DCDC2: variants seen among roughly 807,000 people sequenced by gnomAD.
The protein encoded by DCDC2 is doublecortin domain containing 2, also known as doublecortin domain-containing protein 2.
In DCDC2, 40 loss-of-function variants were observed where a neutral mutation model predicts 50.2. That is an observed-to-expected ratio of 0.80 (90% CI 0.62 to 1.04). The LOEUF (loss-of-function observed/expected upper bound fraction) is 1.04. DCDC2 is among the 50% of genes least tolerant of loss of function. The pLI, the probability that DCDC2 is intolerant of heterozygous loss-of-function variation, is 0.00. For missense variants in DCDC2, 570 were observed against 581.9 expected (o/e 0.98, Z 0.21); for synonymous variants, 234 against 210.6 (o/e 1.11, Z -0.96).
the DCDC2 span, among the ~76,000 whole-genome samples, chr6:24,365,349 C>T: frequency 6.6e-6 from 1 of 152,212 alleles, no homozygotes; most frequent in Admixed American, 6.5e-5. Flanking sequence ...TGGAGTGCAA[C>T]GGCATGATCT....
At chr6:24,302,149 G>A (rs950943852) in intron 2 of DCDC2, 105 bp from the exon 3 acceptor site, 16 of 962,348 alleles carry the variant, frequency 1.7e-5, no homozygotes, top group African/African-American at 3.3e-5. Flanking sequence ...GAGACTTCCT[G>A]TGCCTTTGTT....
intron 7 of DCDC2, among the ~76,000 whole-genome samples, chr6:24,217,949 TA>T (rs1332901760): frequency 6.6e-6 from 1 of 152,226 alleles, no homozygotes; most frequent in Non-Finnish European, 1.5e-5. Context: ...AAAAGGCAGA[TA>T]AAAACAAATT....
At chr6:24,351,410 T>C (rs574698335) in intron 2 of DCDC2, among the ~76,000 whole-genome samples, 2 of 152,192 alleles carry the variant, frequency 1.3e-5, no homozygotes, top group South Asian at 4.1e-4. Flanking sequence ...CATGAGTGAG[T>C]GGAAGATGCG....
chr6:24,208,978 G>A (rs1761793545), intron 7 of DCDC2, among the ~76,000 whole-genome samples: 2 of 152,226 alleles, frequency 1.3e-5, no homozygotes, highest in African/African-American at 2.4e-5. Context: ...GTGGGCCAAT[G>A]TGAGTGTTCA....
At chr6:24,308,249 G>C (rs954735359) in intron 2 of DCDC2, among the ~76,000 whole-genome samples, 2 of 152,346 alleles carry the variant, frequency 1.3e-5, no homozygotes, top group Admixed American at 6.5e-5. Flanking sequence ...ACTAATTGTA[G>C]AGACAGATTT....
chr6:24,244,226 A>T (rs532877888), intron 7 of DCDC2, among the ~76,000 whole-genome samples: 1 of 152,362 alleles, frequency 6.6e-6, no homozygotes, highest in African/African-American at 2.4e-5. Context: ...CTTCTAAAGG[A>T]AAGTTAAGAA....
chr6:24,381,434 T>G, the DCDC2 span, among the ~76,000 whole-genome samples: 97 of 152,258 alleles, frequency 6.4e-4, no homozygotes, highest in Non-Finnish European at 1.2e-3. Flanking sequence ...AGAGGAGAGA[T>G]AGAGAGACAG....
chr6:24,194,770 A>T (rs1204956684), intron 8 of DCDC2, among the ~76,000 whole-genome samples: 1 of 152,212 alleles, frequency 6.6e-6, no homozygotes, highest in African/African-American at 2.4e-5. Context: ...AGCCAACCCC[A>T]GATTGACTTG....
chr6:24,182,270 T>C (rs1002629957), intron 8 of DCDC2, among the ~76,000 whole-genome samples: 3 of 152,066 alleles, frequency 2.0e-5, no homozygotes, highest in Non-Finnish European at 4.4e-5. Context: ...TTCTTACATA[T>C]GACACTAAAG....
intron 8 of DCDC2, among the ~76,000 whole-genome samples, chr6:24,185,698 C>CAT (rs1180410275): frequency 1.5e-5 from 1 of 66,116 alleles, no homozygotes; most frequent in Non-Finnish European, 3.3e-5. Flanking sequence ...TACACACACA[C>CAT]ACACACACAC....
At chr6:24,188,274 T>TA in intron 8 of DCDC2, among the ~76,000 whole-genome samples, 1 of 152,180 alleles carries the variant, frequency 6.6e-6, no homozygotes. Context: ...ATATGCCACT[T>TA]AAAAAATCAT....
chr6:24,364,052 TA>T, the DCDC2 span, among the ~76,000 whole-genome samples: 21 of 152,258 alleles, frequency 1.4e-4, no homozygotes, highest in South Asian at 4.4e-3. Context: ...TCGCTTCCTT[TA>T]AAATCCCTTT....
intron 7 of DCDC2, among the ~76,000 whole-genome samples, chr6:24,225,430 T>C (rs1007232852): frequency 6.6e-6 from 1 of 151,670 alleles, no homozygotes; most frequent in African/African-American, 2.4e-5. Context: ...CACACAAATA[T>C]GTGTGCATAT....
the DCDC2 span, among the ~76,000 whole-genome samples, chr6:24,373,432 T>A: frequency 6.6e-6 from 1 of 152,194 alleles, no homozygotes. Flanking sequence ...TGCGTCAACA[T>A]GGAAGACTCT....
intron 2 of DCDC2, among the ~76,000 whole-genome samples, chr6:24,305,029 G>T (rs973419195): frequency 6.6e-6 from 1 of 152,028 alleles, no homozygotes. Flanking sequence ...AATCTTGTTG[G>T]GTTATTGAAT....
chr6:24,327,458 T>TTATTTATA, intron 2 of DCDC2, among the ~76,000 whole-genome samples: 1 of 132,728 alleles, frequency 7.5e-6, no homozygotes, highest in East Asian at 2.5e-4. Context: ...ATAAACTTAT[T>TTATTTATA]TATTTATTTA....
At chr6:24,350,964 A>G (rs185765876) in intron 2 of DCDC2, among the ~76,000 whole-genome samples, 48 of 152,330 alleles carry the variant, frequency 3.2e-4, no homozygotes, top group African/African-American at 1.1e-3. Flanking sequence ...TTGAACTCCA[A>G]AAGTTTGACT....
chr6:24,306,642 CT>C (rs1759482062), intron 2 of DCDC2, among the ~76,000 whole-genome samples: 2 of 152,180 alleles, frequency 1.3e-5, no homozygotes, highest in Admixed American at 6.5e-5. Flanking sequence ...TCTTACCCTG[CT>C]GGAATGGGAT....
the DCDC2 span, among the ~76,000 whole-genome samples, chr6:24,381,357 G>A: frequency 6.6e-6 from 1 of 152,166 alleles, no homozygotes; most frequent in Non-Finnish European, 1.5e-5. Flanking sequence ...TCTGTTAACT[G>A]AAAAAGCCAG....
Sources: allele counts gnomAD v4.1 joint callset (sites outside exome capture counted in the v4.1 genomes callset), GRCh38; gene constraint gnomAD v4.1.1; transcripts MANE v1.5; gene names NCBI Gene and HGNC (gene_info 2026-07-23, HGNC 2026-07-21).